HTR4: variants seen among roughly 807,000 people sequenced by gnomAD.
HTR4 encodes the protein 5-hydroxytryptamine (serotonin) receptor 4, G protein-coupled.
In HTR4, 16 loss-of-function variants were observed where a neutral mutation model predicts 36.8. The observed-to-expected ratio is 0.43, with a 90% CI of 0.29 to 0.66. HTR4 has a LOEUF of 0.66. HTR4 is among the 30% of genes least tolerant of loss of function. HTR4 has a pLI of 0.13. For synonymous variants in HTR4, 189 were observed against 185.1 expected, an observed-to-expected ratio of 1.02 and a Z score of -0.17; for missense variants, 438 against 490.9, an observed-to-expected ratio of 0.89 and a Z score of 1.02.
At chr5:148,567,127 G>A (rs1760476974) in intron 2 of HTR4, among the ~76,000 whole-genome samples, 1 of 151,916 alleles carries the variant, frequency 6.6e-6, no homozygotes, top group African/African-American at 2.4e-5. Context: ...TATAAACTGT[G>A]GTGTGGTGCT....
At chr5:148,637,276 T>C (rs1753578914) in intron 1 of HTR4, among the ~76,000 whole-genome samples, 1 of 152,206 alleles carries the variant, frequency 6.6e-6, no homozygotes, top group South Asian at 2.1e-4. Flanking sequence ...CTGATCGCTT[T>C]GTGATTAAAA....
intron 5 of HTR4, among the ~76,000 whole-genome samples, chr5:148,456,287 G>C (rs1004809797): frequency 6.6e-6 from 1 of 152,188 alleles, no homozygotes; most frequent in African/African-American, 2.4e-5. Context: ...GGGGTCATCT[G>C]GTTGGCCACC....
At chr5:148,542,133 T>C (rs1322351074) in intron 4 of HTR4, among the ~76,000 whole-genome samples, 1 of 152,206 alleles carries the variant, frequency 6.6e-6, no homozygotes, top group Non-Finnish European at 1.5e-5. Flanking sequence ...AAGCACTCCA[T>C]AAATGTTTGA....
chr5:148,475,679 G>A (rs140074858), downstream of HTR4, among the ~76,000 whole-genome samples: 40 of 152,196 alleles, frequency 2.6e-4, no homozygotes, highest in African/African-American at 8.4e-4. Flanking sequence ...CCACTTCCCC[G>A]CTCCTGGTTT....
chr5:148,602,883 T>G (rs968138781), intron 2 of HTR4, among the ~76,000 whole-genome samples: 1 of 152,074 alleles, frequency 6.6e-6, no homozygotes, highest in Non-Finnish European at 1.5e-5. Context: ...AATTTAAAAT[T>G]TAGATGAAAT....
chr5:148,566,139 A>T (rs186755556), intron 2 of HTR4, among the ~76,000 whole-genome samples: 1 of 152,336 alleles, frequency 6.6e-6, no homozygotes, highest in East Asian at 1.9e-4. Context: ...TTACATAAAC[A>T]ATTTATTAAT....
At chr5:148,611,995 G>A (rs1362273064) in intron 2 of HTR4, among the ~76,000 whole-genome samples, 1 of 152,104 alleles carries the variant, frequency 6.6e-6, no homozygotes, top group Non-Finnish European at 1.5e-5. Context: ...AAATATATAT[G>A]CACCCAATAC....
chr5:148,596,685 AG>A (rs951657488), intron 2 of HTR4, among the ~76,000 whole-genome samples: 2 of 150,744 alleles, frequency 1.3e-5, no homozygotes, highest in Admixed American at 1.3e-4. Context: ...TGGTGGAGGG[AG>A]GGGGGTGGGA....
chr5:148,646,283 G>T (rs998609905), intron 1 of HTR4: 5 of 152,142 alleles, frequency 3.3e-5, no homozygotes, highest in African/African-American at 7.2e-5. Flanking sequence ...ATGCCTCATT[G>T]GCTGAGACAC....
chr5:148,502,803 C>T (rs935486804), intron 6 of HTR4, among the ~76,000 whole-genome samples: 2 of 152,282 alleles, frequency 1.3e-5, no homozygotes, highest in African/African-American at 4.8e-5. Flanking sequence ...CTTAAATGAC[C>T]TAATGGAGCT....
At chr5:148,572,139 G>T (rs547918398) in intron 2 of HTR4, among the ~76,000 whole-genome samples, 26 of 152,218 alleles carry the variant, frequency 1.7e-4, no homozygotes, top group Non-Finnish European at 2.8e-4. Flanking sequence ...TCCCCTTAGG[G>T]TTGACTGTGG....
At chr5:148,486,199 C>T (rs1756152434) in intron 6 of HTR4, among the ~76,000 whole-genome samples, 1 of 152,120 alleles carries the variant, frequency 6.6e-6, no homozygotes, top group African/African-American at 2.4e-5. Context: ...CTCATAGCCG[C>T]AGTTCTCATT....
chr5:148,571,938 C>T (rs1581492354), intron 2 of HTR4, among the ~76,000 whole-genome samples: 2 of 152,144 alleles, frequency 1.3e-5, no homozygotes, highest in East Asian at 3.9e-4. Context: ...ACAATATTTG[C>T]AAATCAAGTT....
At chr5:148,495,350 CA>C (rs1404789365) in intron 6 of HTR4, among the ~76,000 whole-genome samples, 1 of 152,150 alleles carries the variant, frequency 6.6e-6, no homozygotes, top group East Asian at 1.9e-4. Flanking sequence ...AGATTTTGTA[CA>C]GGGAAATTCT....
chr5:148,501,070 G>T (rs1486827542), intron 6 of HTR4, among the ~76,000 whole-genome samples: 4 of 151,114 alleles, frequency 2.6e-5, no homozygotes, highest in Admixed American at 6.6e-5. Flanking sequence ...AGTACAGTTT[G>T]CAATGACAAA....
At chr5:148,555,062 A>G (rs1316058916) in intron 2 of HTR4, among the ~76,000 whole-genome samples, 1 of 151,590 alleles carries the variant, frequency 6.6e-6, no homozygotes, top group Non-Finnish European at 1.5e-5. Context: ...TTTATTATTT[A>G]TATTTTAGCA....
chr5:148,631,588 A>G (rs959287125), intron 2 of HTR4, among the ~76,000 whole-genome samples: 2 of 152,192 alleles, frequency 1.3e-5, no homozygotes, highest in Non-Finnish European at 2.9e-5. Context: ...ATTTCATTTC[A>G]GGCTTTAGTG....
rs200019895 is a variant in HTR4, at chr5:148,482,519, C to G, written c.*684G>C. ...TGACAGATCTCTGACCCTGTGTCTTCCATGGAAAATAAATGGAGCATGTCC... is the reference window on the plus strand; with the variant it reads ...TGACAGATCTCTGACCCTGTGTCTTGCATGGAAAATAAATGGAGCATGTCC... On this transcript the variant is annotated 3_prime_UTR_variant, in exon 7 of 7. Coordinates refer to ENST00000377888, the MANE Select transcript of HTR4 (RefSeq NM_000870.7). 55 of 985,532 alleles carry G rather than the reference C, an allele frequency of 5.6e-5. No individual in the cohort carries two copies. The African/African-American group carries it at 8.2e-4, about 15-fold the overall frequency. 61.0% of individuals were successfully genotyped at this position (985,532 alleles called of 1,614,324 possible).
chr5:148,511,860 A>T (rs1351177765), intron 5 of HTR4, among the ~76,000 whole-genome samples: 2 of 152,132 alleles, frequency 1.3e-5, no homozygotes, highest in African/African-American at 2.4e-5. Context: ...GGATTTGTTG[A>T]TGATGTTGGT....
Sources: allele counts gnomAD v4.1 joint callset (sites outside exome capture counted in the v4.1 genomes callset), GRCh38; gene constraint gnomAD v4.1.1; transcripts MANE v1.5; gene names NCBI Gene and HGNC (gene_info 2026-07-23, HGNC 2026-07-21).